The following LENG9 variants were observed in gnomAD, a reference collection of about 807,000 sequenced individuals.
LENG9 encodes the protein leukocyte receptor cluster member 9.
For missense variants in LENG9, 872 were observed against 652.7 expected (o/e 1.34, Z -3.66); for synonymous variants, 410 against 303.9 (o/e 1.35, Z -3.63).
rs1465739196 is a variant in LENG9, at chr19:54,463,026, G to A, written c.501C>T (p.Ala167=). ...TCCACTCGGCACCCTCTGCCCCGTG[G>A]GCGCCCTCGGTGTTCGGTGCGTCCA... ...TILDAPNTEG[A]HGAEGAEWTL... Residue 167 remains alanine, a synonymous_variant, in exon 1 of 1, where the codon GCC becomes GCT. Transcript: ENST00000611161. 1 of 1,603,614 alleles carries A rather than the reference G, an allele frequency of 6.2e-7. No homozygotes were observed. The highest frequency in any genetic ancestry group is 8.5e-7 in the Non-Finnish European group (1 of 1,179,574).
rs1699374953 is a variant in LENG9, at chr19:54,461,955, T to C, written c.*135A>G. The C allele has an allele frequency of 9.6e-7, 1 of 1,041,926 alleles. No homozygotes were observed. Among genetic ancestry groups the C allele is most frequent in the Non-Finnish European group, 1.5e-6 (1 of 666,892 alleles). 64.5% of individuals were successfully genotyped at this position (1,041,926 alleles called of 1,614,324 possible). On this transcript the variant is annotated 3_prime_UTR_variant, in exon 1 of 1. Transcript: ENST00000611161. ...CTTTTCCTTCCTTCCTTCCTTTCCT[T>C]GGAGCACTGAGCACCATTTGGAAGC...
At position 54,462,706 on chromosome 19, in the gene LENG9, C is replaced by T. The variant is rs770967565; in HGVS notation, c.821G>A (p.Trp274Ter). 6.2e-7 allele frequency: 1 copy of T among 1,610,932 alleles called. No individual in the cohort carries two copies. The highest frequency in any genetic ancestry group is 1.7e-5 in the Admixed American group (1 of 60,012). Residue 274 changes from tryptophan (W) to a stop codon, truncating the protein, a stop_gained, in exon 1 of 1, where the codon TGG becomes TAG. Coordinates refer to ENST00000611161, the MANE Select transcript of LENG9 (RefSeq NM_001301782.2). LOFTEE classifies it low-confidence loss of function (END_TRUNC). Reference sequence around the variant, plus strand: ...GTCCTCGGGCCAGGCCGCAGGACCCCACTCGGCTTCTGTCGTCTCAGCGGA... The same window carrying T: ...GTCCTCGGGCCAGGCCGCAGGACCCTACTCGGCTTCTGTCGTCTCAGCGGA... ...GGSAETTEAE[W>*]GPAAWPEDKR...
rs1396448065 is a variant in LENG9 at position 54,462,751 on chromosome 19, G to A, written c.776C>T (p.Ala259Val). ...TTLLGGKEAQ[A>V]LGVPGGSAET... is the part of the protein sequence containing the mutation. ...AGCGGAGCCCCCCGGGACTCCCAGG[G>A]CCTGTGCTTCCTTGCCCCCCAGCAA... Residue 259 changes from alanine to valine, a missense_variant, in exon 1 of 1, where the codon GCC becomes GTC. Transcript: ENST00000611161. 1 of 1,611,184 alleles carries A rather than the reference G, an allele frequency of 6.2e-7. No homozygotes were observed. The highest frequency in any genetic ancestry group is 1.3e-5 in the African/African-American group (1 of 74,922).
rs1486394251 is a variant in LENG9, at chr19:54,462,653, G to A, written c.874C>T (p.Pro292Ser). The A allele has an allele frequency of 6.2e-7, 1 of 1,613,008 alleles. No individual in the cohort carries two copies. Among genetic ancestry groups the A allele is most frequent in the East Asian group, 2.2e-5 (1 of 44,882 alleles). The change falls in exon 1 of 1, where the codon CCT becomes TCT. Residue 292 changes from proline (P) to serine (S), a missense_variant. Transcript: ENST00000611161. Reference sequence around the variant, plus strand: ...AAATGTGTGGGGCGCGGTTGGCAAGGGGCTGCAACACTAAGGCGGGCCCTT... The same window carrying A: ...AAATGTGTGGGGCGCGGTTGGCAAGAGGCTGCAACACTAAGGCGGGCCCTT... ...DKRARLSVAA[P>S]CQPRPTHFVA...
chr19:54,462,480 GC>G lies in LENG9; in HGVS notation c.1046del (p.Gly349AlafsTer12). On this transcript the variant is annotated frameshift_variant, in exon 1 of 1. Transcript: ENST00000611161. LOFTEE classifies it low-confidence loss of function (END_TRUNC). ...HLTLALLRLA[G>X]AGEEAAAIGA... ...CAATGGCAGCGGCCTCCTCCCCAGC[GC>G]CTGCCAGTCGCAGCAGGGCCAGGGT... 4 of 1,613,428 alleles carry G rather than the reference GC, an allele frequency of 2.5e-6. No homozygotes were observed. The highest frequency in any genetic ancestry group is 3.4e-6 in the Non-Finnish European group (4 of 1,180,032).
chr19:54,463,335 C>A lies in LENG9; in HGVS notation c.192G>T (p.Leu64=). ...QPEAGAKKPP[L]RTAADVIQRI... The stretch of plus-strand genomic sequence containing the variant: ...GCTGGATGACGTCCGCGGCTGTGCG[C>A]AGCGGCGGCTTCTTGGCCCCGGCCT... Residue 64 remains leucine (L), a synonymous_variant, in exon 1 of 1, where the codon CTG becomes CTT. Transcript: ENST00000611161. The A allele has an allele frequency of 6.1e-6, 9 of 1,465,840 alleles. No individual in the cohort carries two copies. The highest frequency in any genetic ancestry group is 7.2e-6 in the Non-Finnish European group (8 of 1,111,830). 90.8% of individuals were successfully genotyped at this position (1,465,840 alleles called of 1,614,324 possible).
chr19:54,463,056 G>A lies in LENG9; in HGVS notation c.471C>T (p.Thr157=), dbSNP rs1378226270. The A allele has an allele frequency of 1.9e-6, 3 of 1,601,854 alleles. No individual in the cohort carries two copies. In the Admixed American group the frequency reaches 5.0e-5, roughly 27 times the overall value. The change falls in exon 1 of 1, where the codon ACC becomes ACT. Residue 157 remains threonine, a synonymous_variant. Transcript: ENST00000611161. ...GSGSAAGRGP[T]ILDAPNTEGA... The stretch of plus-strand genomic sequence containing the variant: ...CCTCGGTGTTCGGTGCGTCCAGGAT[G>A]GTGGGCCCGCGTCCCGCCGCCGAGC...
Position 54,462,990 on chromosome 19 carries a change from C to T in LENG9, c.537G>A (p.Gly179=), listed in dbSNP as rs1167549808. Residue 179 remains glycine, a synonymous_variant, in exon 1 of 1, where the codon GGG becomes GGA. Transcript: ENST00000611161. ...GAEGAEWTLA[G]TGQEAQAAPK... ...GGGCAGCCTGGGCCTCCTGACCTGT[C>T]CCCGCCAGTGTCCACTCGGCACCCT... is the stretch of plus-strand genomic sequence containing the variant. 1.2e-6 allele frequency: 2 copies of T among 1,606,366 alleles called. No individual in the cohort carries two copies. Among genetic ancestry groups the T allele is most frequent in the Non-Finnish European group, 8.5e-7 (1 of 1,179,634 alleles).
chr19:54,462,039 T>C lies in LENG9; in HGVS notation c.*51A>G, dbSNP rs1426656487. The stretch of plus-strand genomic sequence containing the variant: ...GAGCGTGCACGCTCCTGCTTTGTCT[T>C]TCCTGTGTGGGCTGTTTGCATCCAT... On this transcript the variant is annotated 3_prime_UTR_variant, in exon 1 of 1. Coordinates refer to ENST00000611161, the MANE Select transcript of LENG9 (RefSeq NM_001301782.2). The C allele has an allele frequency of 6.5e-7, 1 of 1,530,206 alleles. No individual in the cohort carries two copies. Among genetic ancestry groups the C allele is most frequent in the Non-Finnish European group, 8.8e-7 (1 of 1,138,166 alleles). 94.8% of individuals were successfully genotyped at this position (1,530,206 alleles called of 1,614,324 possible).
In LENG9 at chr19:54,462,017, C is replaced by G; in HGVS notation, c.*73G>C. On this transcript the variant is annotated 3_prime_UTR_variant, in exon 1 of 1. Transcript: ENST00000611161. The stretch of plus-strand genomic sequence containing the variant: ...CAAAATTAAAGAGAGAAAGAGAGAG[C>G]GTGCACGCTCCTGCTTTGTCTTTCC... 3 of 1,467,290 alleles carry G rather than the reference C, an allele frequency of 2.0e-6. No individual in the cohort carries two copies. The highest frequency in any genetic ancestry group is 2.8e-6 in the Non-Finnish European group (3 of 1,079,266). The allele number at this position is 1,467,290 out of a possible 1,614,324, so 90.9% of individuals were successfully genotyped here.
chr19:54,463,337 G>C lies in LENG9; in HGVS notation c.190C>G (p.Leu64Val), dbSNP rs993412636. 1.4e-6 allele frequency: 2 copies of C among 1,463,282 alleles called. No individual in the cohort carries two copies. The highest frequency in any genetic ancestry group is 3.0e-5 in the African/African-American group (2 of 67,442). The allele number at this position is 1,463,282 out of a possible 1,614,324, so 90.6% of individuals were successfully genotyped here. ...TGGATGACGTCCGCGGCTGTGCGCA[G>C]CGGCGGCTTCTTGGCCCCGGCCTCC... ...QPEAGAKKPP[L>V]RTAADVIQRI... Residue 64 changes from leucine to valine, a missense_variant, in exon 1 of 1, where the codon CTG becomes GTG. Transcript: ENST00000611161.
At position 54,461,985 on chromosome 19, in the gene LENG9, G is replaced by A; in HGVS notation, c.*105C>T. ...CACTGAGCACCATTTGGAAGCTTGA[G>A]AGAAACCAAAATTAAAGAGAGAAAG... On this transcript the variant is annotated 3_prime_UTR_variant, in exon 1 of 1. Transcript: ENST00000611161. The A allele has an allele frequency of 7.4e-7, 1 of 1,360,092 alleles. No individual in the cohort carries two copies. Among genetic ancestry groups the A allele is most frequent in the East Asian group, 2.3e-5 (1 of 43,632 alleles). 84.3% of individuals were successfully genotyped at this position (1,360,092 alleles called of 1,614,324 possible).
Position 54,462,635 on chromosome 19 carries a change from T to C in LENG9, c.892A>G (p.Thr298Ala). Reference sequence around the variant, plus strand: ...GTCACCATGAGGGCCACAAAATGTGTGGGGCGCGGTTGGCAAGGGGCTGCA... The same window carrying C: ...GTCACCATGAGGGCCACAAAATGTGCGGGGCGCGGTTGGCAAGGGGCTGCA... ...SVAAPCQPRP[T>A]HFVALMVTEP... is the part of the protein sequence containing the mutation. Residue 298 changes from threonine to alanine, a missense_variant, in exon 1 of 1, where the codon ACA becomes GCA. Transcript: ENST00000611161. 6.2e-7 allele frequency: 1 copy of C among 1,613,396 alleles called. No individual in the cohort carries two copies. Among genetic ancestry groups the C allele is most frequent in the Non-Finnish European group, 8.5e-7 (1 of 1,180,002 alleles).
In LENG9 at chr19:54,462,684, C is replaced by G. The variant is rs751814586; in HGVS notation, c.843G>C (p.Glu281Asp). Residue 281 changes from glutamate (E) to aspartate (D), a missense_variant, in exon 1 of 1, where the codon GAG (glutamate) becomes GAC (aspartate). Physicochemically the swap from Glu to Asp is conservative, Grantham distance 45. Coordinates refer to ENST00000611161, the MANE Select transcript of LENG9 (RefSeq NM_001301782.2). The stretch of plus-strand genomic sequence containing the variant: ...CAACACTAAGGCGGGCCCTTTTGTC[C>G]TCGGGCCAGGCCGCAGGACCCCACT... ...EAEWGPAAWP[E>D]DKRARLSVAA... 1.2e-6 allele frequency: 2 copies of G among 1,611,516 alleles called. No homozygotes were observed. The highest frequency in any genetic ancestry group is 1.1e-5 in the South Asian group (1 of 91,088).
rs2084606384 is a variant in LENG9, at chr19:54,462,251, T to C, written c.1276A>G (p.Thr426Ala). 1.2e-6 allele frequency: 2 copies of C among 1,612,096 alleles called. No individual in the cohort carries two copies. Among genetic ancestry groups the C allele is most frequent in the Non-Finnish European group, 1.7e-6 (2 of 1,178,876 alleles). ...GAACCATGGGGCACCTTGGCCACGG[T>C]GAGGTGGGGGTGCAGCTGCCCTGGA... ...QSPGQLHPHL[T>A]VAKVPHGSQV... Residue 426 changes from threonine to alanine, a missense_variant, in exon 1 of 1, where the codon ACC (threonine) becomes GCC (alanine). Thr to Ala is a moderately conservative substitution (Grantham distance 58). Transcript: ENST00000611161.
Position 54,461,998 on chromosome 19 carries a change from TAAAG to T in LENG9, c.*88_*91del, listed in dbSNP as rs758668911. On this transcript the variant is annotated 3_prime_UTR_variant, in exon 1 of 1. Transcript: ENST00000611161. Reference sequence around the variant, plus strand: ...TTGGAAGCTTGAGAGAAACCAAAATTAAAGAGAGAAAGAGAGAGCGTGCACGCTC... The same window carrying T: ...TTGGAAGCTTGAGAGAAACCAAAATTAGAGAAAGAGAGAGCGTGCACGCTC... The T allele has an allele frequency of 1.4e-4, 205 of 1,422,310 alleles. No homozygotes were observed. Among genetic ancestry groups the T allele is most frequent in the Non-Finnish European group, 1.7e-4 (176 of 1,036,236 alleles). 88.1% of individuals were successfully genotyped at this position (1,422,310 alleles called of 1,614,324 possible).
rs374964998 is a variant in LENG9, at chr19:54,462,315, G to T, written c.1212C>A (p.Ser404Arg). ...TCAGCCCCTCGGCTTCCAGCCTCTG[G>T]CTCAGCACTTGTGCCATGCTTTCCA... is the stretch of plus-strand genomic sequence containing the variant. ...PTLESMAQVL[S>R]QRLEAEGLST... Residue 404 changes from serine (S) to arginine (R), a missense_variant, in exon 1 of 1, where the codon AGC becomes AGA. By Grantham distance (110) the Ser-to-Arg change is moderately radical (BLOSUM62 -1). Transcript: ENST00000611161. 6.2e-7 allele frequency: 1 copy of T among 1,604,156 alleles called. No individual in the cohort carries two copies. Among genetic ancestry groups the T allele is most frequent in the South Asian group, 1.1e-5 (1 of 90,070 alleles).
In LENG9 at chr19:54,462,681, G is replaced by T. The variant is rs2084629411; in HGVS notation, c.846C>A (p.Asp282Glu). 7 of 1,611,738 alleles carry T rather than the reference G, an allele frequency of 4.3e-6. No individual in the cohort carries two copies. The highest frequency in any genetic ancestry group is 5.9e-6 in the Non-Finnish European group (7 of 1,180,008). ...AEWGPAAWPE[D>E]KRARLSVAAP... ...CTGCAACACTAAGGCGGGCCCTTTTGTCCTCGGGCCAGGCCGCAGGACCCC... is the reference window on the plus strand; with the variant it reads ...CTGCAACACTAAGGCGGGCCCTTTTTTCCTCGGGCCAGGCCGCAGGACCCC... The change falls in exon 1 of 1, where the codon GAC becomes GAA. Residue 282 changes from aspartate to glutamate, a missense_variant. Physicochemically the swap from Asp to Glu is conservative, Grantham distance 45. Transcript: ENST00000611161.
chr19:54,462,079 G>T lies in LENG9; in HGVS notation c.*11C>A. On this transcript the variant is annotated 3_prime_UTR_variant, in exon 1 of 1. Coordinates refer to ENST00000611161, the MANE Select transcript of LENG9 (RefSeq NM_001301782.2). ...TTTGCATCCATTGTCTCCTCCAGAG[G>T]TCTGGGGGTGTCACTCCAGGGGGAT... 1 of 1,557,572 alleles carries T rather than the reference G, an allele frequency of 6.4e-7. No homozygotes were observed. The highest frequency in any genetic ancestry group is 8.7e-7 in the Non-Finnish European group (1 of 1,153,230).
Sources: gnomAD v4.1 joint callset for allele counts on GRCh38, gnomAD v4.1.1 for gene constraint, MANE v1.5 for transcripts, NCBI Gene and HGNC (gene_info 2026-07-23, HGNC 2026-07-21) for gene names.